Variants in HOXB3 observed in about 807,000 individuals in gnomAD.
HOXB3 encodes the protein homeobox B3, also known as homeobox protein Hox-B3.
Under a neutral mutation model 29.2 loss-of-function variants are expected in HOXB3, and 17 were observed. That is an observed-to-expected ratio of 0.58 (90% confidence interval 0.40 to 0.87). The LOEUF (loss-of-function observed/expected upper bound fraction) is 0.87. Ranked by LOEUF, HOXB3 falls within the 40% of genes least tolerant of loss-of-function variation. The pLI is 0.00. For synonymous variants in HOXB3, 317 were observed against 285.9 expected (o/e 1.11, Z -1.10); for missense variants, 637 against 616.3 (o/e 1.03, Z -0.35).
Position 48,550,670 on chromosome 17 carries a change from C to T in HOXB3, c.960G>A (p.Lys320=). Residue 320 remains lysine, a synonymous_variant, in exon 5 of 5, where the codon AAG becomes AAA. Coordinates refer to ENST00000498678, the MANE Select transcript of HOXB3 (RefSeq NM_001384749.1). ...PPLKGCGAPQ[K]YPPTPAPEYE... ...ACTCGGGCGCCGGGGTCGGAGGGTACTTCTGCGGGGCGCCGCAGCCTTTGA... is the reference window on the plus strand; with the variant it reads ...ACTCGGGCGCCGGGGTCGGAGGGTATTTCTGCGGGGCGCCGCAGCCTTTGA... The T allele has an allele frequency of 1.3e-6, 2 of 1,529,792 alleles. No individual in the cohort carries two copies. Among genetic ancestry groups the T allele is most frequent in the Non-Finnish European group, 1.8e-6 (2 of 1,140,552 alleles). 94.8% of individuals were successfully genotyped at this position (1,529,792 alleles called of 1,614,324 possible).
At chr17:48,571,864 T>TA (rs1479600883) in intron 2 of HOXB3, among the ~76,000 whole-genome samples, 1 of 152,188 alleles carries the variant, frequency 6.6e-6, no homozygotes, top group Non-Finnish European at 1.5e-5. Context: ...TTGCCTGAGA[T>TA]AGAGTCCCCA....
chr17:48,577,279 A>G (rs1361109051), intron 1 of HOXB3, among the ~76,000 whole-genome samples: 4 of 152,056 alleles, frequency 2.6e-5, no homozygotes, highest in Non-Finnish European at 5.9e-5. Context: ...GACTCCCCCA[A>G]GGTTTTAATT....
intron 1 of HOXB3, chr17:48,578,393 G>A: frequency 6.5e-7 from 1 of 1,531,064 alleles, no homozygotes; most frequent in Non-Finnish European, 8.7e-7. Context: ...GTTTCCGAAA[G>A]CCCTCCTACT....
intron 1 of HOXB3, among the ~76,000 whole-genome samples, chr17:48,583,801 T>C (rs552693892): frequency 2.6e-5 from 4 of 152,232 alleles, no homozygotes; most frequent in Admixed American, 2.6e-4. Flanking sequence ...GGCCTGACAC[T>C]GCAGAGAAAC....
intron 2 of HOXB3, among the ~76,000 whole-genome samples, chr17:48,566,168 A>G (rs554697153): frequency 1.3e-5 from 2 of 152,326 alleles, no homozygotes; most frequent in Non-Finnish European, 2.9e-5. Context: ...TGGAGGGTGC[A>G]GGACTGGTAA....
intron 4 of HOXB3, among the ~76,000 whole-genome samples, chr17:48,551,734 C>A (rs2068752353): frequency 6.6e-6 from 1 of 152,248 alleles, no homozygotes; most frequent in Non-Finnish European, 1.5e-5. Flanking sequence ...GTTGACGACT[C>A]TGCATCCTCC....
chr17:48,566,509 G>T (rs555141540), intron 2 of HOXB3, among the ~76,000 whole-genome samples: 1 of 151,918 alleles, frequency 6.6e-6, no homozygotes, highest in Non-Finnish European at 1.5e-5. Context: ...AGACTTCCAC[G>T]TCACAGGCAA....
At chr17:48,578,218 C>T (rs1158746502) in intron 1 of HOXB3, 9 of 1,613,820 alleles carry the variant, frequency 5.6e-6, no homozygotes, top group Non-Finnish European at 7.6e-6. Context: ...AGTACCCGGG[C>T]GAGTGGTCGC....
chr17:48,567,147 G>T lies in HOXB3; in HGVS notation c.-247+6690C>A, dbSNP rs78706068. ...CAAACCCTTTTCAACTGAGACTCCT[G>T]AATTGGGAGGCTTCACCCACTACCC... On this transcript the variant is annotated intron_variant, in intron 2 of 4. Coordinates refer to ENST00000498678, the MANE Select transcript of HOXB3 (RefSeq NM_001384749.1). Among the ~76,000 whole-genome samples the T allele has an allele frequency of 4.4e-3, 666 of 152,268 alleles. 2 individuals carry two copies. The highest frequency in any genetic ancestry group is 4.8e-3 in the African/African-American group (198 of 41,550).
In HOXB3 at chr17:48,550,876, A is replaced by C. The variant is rs2068707615; in HGVS notation, c.754T>G (p.Leu252Val). ...GATGGGCCCCCCGACGACGAGGCCA[A>C]TCCCTTGGCCTTCTGGTCCTTCTTG... The part of the protein sequence containing the change: ...KYKKDQKAKG[L>V]ASSSGGPSPA... Residue 252 changes from leucine (L) to valine (V), a missense_variant, in exon 5 of 5, where the codon TTG (leucine) becomes GTG (valine). Coordinates refer to ENST00000498678, the MANE Select transcript of HOXB3 (RefSeq NM_001384749.1). 1 of 1,613,732 alleles carries C rather than the reference A, an allele frequency of 6.2e-7. No homozygotes were observed. Among genetic ancestry groups the C allele is most frequent in the African/African-American group, 1.3e-5 (1 of 74,830 alleles).
chr17:48,570,925 T>G (rs894720973), intron 2 of HOXB3, among the ~76,000 whole-genome samples: 1 of 152,172 alleles, frequency 6.6e-6, no homozygotes, highest in African/African-American at 2.4e-5. Flanking sequence ...AACACTCTGC[T>G]AAAGTCTAAA....
chr17:48,568,152 G>T (rs988081933), intron 2 of HOXB3, among the ~76,000 whole-genome samples: 3 of 152,056 alleles, frequency 2.0e-5, no homozygotes, highest in South Asian at 2.1e-4. Flanking sequence ...TTACTCTAAG[G>T]CTCCTTCTGC....
In HOXB3 at chr17:48,585,379, G is replaced by A. The variant is rs575288368; in HGVS notation, c.-425+4746C>T. Among the ~76,000 whole-genome samples, 4 of 152,376 alleles carry A rather than the reference G, an allele frequency of 2.6e-5. No homozygotes were observed. In the East Asian group the frequency reaches 5.8e-4, roughly 22 times the overall value. On this transcript the variant is annotated intron_variant, in intron 1 of 4. Coordinates refer to ENST00000498678, the MANE Select transcript of HOXB3 (RefSeq NM_001384749.1). ...CTGGGGTGAAGGGTGGAGAGAGCTT[G>A]GAGCAGGGGCTCCTCGGGAGCAGAA...
intron 1 of HOXB3, among the ~76,000 whole-genome samples, chr17:48,584,823 T>C (rs923129586): frequency 1.3e-5 from 2 of 152,046 alleles, no homozygotes; most frequent in African/African-American, 2.4e-5. Flanking sequence ...CGCTGCCCAT[T>C]TCTGCTCCCC....
At chr17:48,589,685 G>A (rs61393816) in intron 1 of HOXB3, among the ~76,000 whole-genome samples, 15,149 of 152,188 alleles carry the variant, frequency 0.1, 1,215 homozygotes, top group East Asian at 0.4. Context: ...CCAGATAAAA[G>A]TGCCCAGCGG....
chr17:48,562,921 T>C (rs74707393), intron 2 of HOXB3, among the ~76,000 whole-genome samples: 2,090 of 152,302 alleles, frequency 0.014, 42 homozygotes, highest in African/African-American at 0.048. Context: ...ATGGCTCCCT[T>C]ACTCTGCTCG....
intron 1 of HOXB3, among the ~76,000 whole-genome samples, chr17:48,589,065 A>G (rs1423700955): frequency 1.3e-5 from 2 of 152,148 alleles, no homozygotes; most frequent in Admixed American, 1.3e-4. Context: ...GGTGGGGAAG[A>G]AGCCTCTGAC....
chr17:48,554,687 G>A lies in HOXB3; in HGVS notation c.-159+844C>T, dbSNP rs993522816. 2.8e-6 allele frequency: 2 copies of A among 702,356 alleles called. No individual in the cohort carries two copies. The highest frequency in any genetic ancestry group is 1.5e-5 in the South Asian group (1 of 67,596). The allele number at this position is 702,356 out of a possible 1,614,324, so 43.5% of individuals were successfully genotyped here. ...CGATCAGGACACCAAAACGGTTATC[G>A]GAGGCAGGTTCCCAGCACACCAGCC... On this transcript the variant is annotated intron_variant, in intron 3 of 4. Transcript: ENST00000498678. This position sits in a 1 kb window ranked among gnomAD's most constrained non-coding sequence, Gnocchi z 4.1.
At position 48,550,710 on chromosome 17, in the gene HOXB3, T is replaced by G. The variant is rs2068695706; in HGVS notation, c.920A>C (p.Asn307Thr). 3 of 1,546,596 alleles carry G rather than the reference T, an allele frequency of 1.9e-6. No individual in the cohort carries two copies. In the African/African-American group the frequency reaches 4.1e-5, roughly 21 times the overall value. Residue 307 changes from asparagine (N) to threonine (T), a missense_variant, in exon 5 of 5, where the codon AAC becomes ACC. Physicochemically the swap from Asn to Thr is moderately conservative, Grantham distance 65. Coordinates refer to ENST00000498678, the MANE Select transcript of HOXB3 (RefSeq NM_001384749.1). ...GCAGCCTTTGAGAGGGGGCTGGTAG[T>G]TGGAGGGCAGCGCGTAGGCATTCTG... Reference protein sequence around the residue: ...AHQNAYALPSNYQPPLKGCGA... With the variant: ...AHQNAYALPSTYQPPLKGCGA...
Sources: allele counts gnomAD v4.1 joint callset (sites outside exome capture counted in the v4.1 genomes callset), GRCh38; gene constraint gnomAD v4.1.1; non-coding constraint Gnocchi (gnomAD v3.1); transcripts MANE v1.5; gene names NCBI Gene and HGNC (gene_info 2026-07-23, HGNC 2026-07-21).